Variants in PACSIN2 observed in about 807,000 individuals in gnomAD.
The protein encoded by PACSIN2 is protein kinase C and casein kinase substrate in neurons 2.
Under a neutral mutation model 63.8 loss-of-function variants are expected in PACSIN2, and 25 were observed. The ratio of observed to expected loss-of-function variants is 0.39; its 90% confidence interval spans 0.29 to 0.55. The LOEUF is 0.55. Ranked by LOEUF, PACSIN2 falls within the 20% of genes least tolerant of loss-of-function variation. The pLI is 0.62. For synonymous variants in PACSIN2, 255 were observed against 256.2 expected (o/e 1.00, Z 0.05); for missense variants, 518 against 646.9 (o/e 0.80, Z 2.16).
chr22:42,983,316 CAAAAAAA>C (rs1180708676), intron 1 of PACSIN2, among the ~76,000 whole-genome samples: 97 of 63,654 alleles, frequency 1.5e-3, no homozygotes, highest in Non-Finnish European at 2.8e-3. Flanking sequence ...GACTCCATCT[CAAAAAAA>C]AAAAAAAAAA....
intron 1 of PACSIN2, among the ~76,000 whole-genome samples, chr22:42,965,840 T>A (rs1165422686): frequency 6.6e-6 from 1 of 152,218 alleles, no homozygotes; most frequent in African/African-American, 2.4e-5. Flanking sequence ...TAAAATTTAA[T>A]ATGATAATTT....
intron 1 of PACSIN2, among the ~76,000 whole-genome samples, chr22:42,965,398 T>C (rs1347696470): frequency 1.3e-5 from 2 of 152,118 alleles, no homozygotes; most frequent in South Asian, 2.1e-4. Context: ...TTCAATTGTA[T>C]GTAAACTAAT....
chr22:42,928,464 GTTGGTT>G (rs1447373218), intron 1 of PACSIN2, among the ~76,000 whole-genome samples: 1 of 152,204 alleles, frequency 6.6e-6, no homozygotes, highest in Non-Finnish European at 1.5e-5. Flanking sequence ...CAGAAATCAG[GTTGGTT>G]TTGTTTTTAT....
chr22:42,887,691 A>C (rs1168044488), intron 5 of PACSIN2, among the ~76,000 whole-genome samples: 2 of 152,056 alleles, frequency 1.3e-5, no homozygotes, highest in Non-Finnish European at 1.5e-5. Context: ...CTTCCTGTGA[A>C]CTTTTAAATC....
chr22:42,985,290 G>A (rs1294785960), intron 1 of PACSIN2, among the ~76,000 whole-genome samples: 2 of 152,214 alleles, frequency 1.3e-5, no homozygotes, highest in Middle Eastern at 3.2e-3. Context: ...TCTCATCACC[G>A]CACTCCAGCA....
chr22:42,910,543 G>A (rs1931381998), intron 2 of PACSIN2, among the ~76,000 whole-genome samples: 1 of 152,150 alleles, frequency 6.6e-6, no homozygotes, highest in East Asian at 1.9e-4. Flanking sequence ...CTATTCCAGG[G>A]GCACCTCCAA....
At chr22:42,893,309 T>C (rs1400984725) in intron 3 of PACSIN2, 148 bp downstream of exon 3, 3 of 787,498 alleles carry the variant, frequency 3.8e-6, no homozygotes, top group African/African-American at 1.7e-5. Context: ...CCCATAAAAA[T>C]CACACCCCGC....
At chr22:42,891,462 G>A (rs1435829380) in intron 3 of PACSIN2, among the ~76,000 whole-genome samples, 3 of 152,070 alleles carry the variant, frequency 2.0e-5, no homozygotes, top group African/African-American at 2.4e-5. Flanking sequence ...GTGCAGAGAC[G>A]TGATCTTGGC....
chr22:42,941,664 T>C (rs1002825656), intron 1 of PACSIN2, among the ~76,000 whole-genome samples: 3 of 152,276 alleles, frequency 2.0e-5, no homozygotes, highest in African/African-American at 7.2e-5. Context: ...TCTTTTCATG[T>C]GCTTATTGGC....
At chr22:42,982,891 C>CAAAAAAAA (rs1227335781) in intron 1 of PACSIN2, among the ~76,000 whole-genome samples, 1 of 82,706 alleles carries the variant, frequency 1.2e-5, no homozygotes, top group African/African-American at 4.1e-5. Context: ...AAAAAAAAAA[C>CAAAAAAAA]AACAACAAGG....
At chr22:42,934,113 A>G (rs147418554) in intron 1 of PACSIN2, among the ~76,000 whole-genome samples, 2 of 152,360 alleles carry the variant, frequency 1.3e-5, no homozygotes, top group East Asian at 3.9e-4. Context: ...AGGAGCTTTG[A>G]AATTTTCTCT....
intron 2 of PACSIN2, among the ~76,000 whole-genome samples, chr22:42,896,255 C>G (rs1363463888): frequency 1.3e-5 from 2 of 152,184 alleles, no homozygotes; most frequent in African/African-American, 2.4e-5. Context: ...ATGGAATACA[C>G]AGTATGCAGC....
At chr22:42,999,774 G>C (rs1398683913) in intron 1 of PACSIN2, among the ~76,000 whole-genome samples, 1 of 152,204 alleles carries the variant, frequency 6.6e-6, no homozygotes, top group African/African-American at 2.4e-5. Context: ...GGCCACTGTG[G>C]GGGACCACCA....
chr22:42,916,713 C>T lies in PACSIN2; in HGVS notation c.-77-4556G>A, dbSNP rs143078201. Reference sequence around the variant, plus strand: ...TCTCTGGAACTCCCATGACTTCAAACGGCATCCATGTGCAGGGACACACCA... The same window carrying T: ...TCTCTGGAACTCCCATGACTTCAAATGGCATCCATGTGCAGGGACACACCA... On this transcript the variant is annotated intron_variant, in intron 1 of 10. Transcript: ENST00000263246. Among the ~76,000 whole-genome samples, 43 of 152,256 alleles carry T rather than the reference C, an allele frequency of 2.8e-4. No homozygotes were observed. In the East Asian group the frequency reaches 6.2e-3, roughly 22 times the overall value.
At chr22:42,939,442 G>C (rs1039770318) in intron 1 of PACSIN2, among the ~76,000 whole-genome samples, 1 of 152,190 alleles carries the variant, frequency 6.6e-6, no homozygotes, top group South Asian at 2.1e-4. Flanking sequence ...ATGTACAAGA[G>C]TCTAAAGATT....
intron 1 of PACSIN2, among the ~76,000 whole-genome samples, chr22:42,963,534 T>G (rs932200018): frequency 6.6e-6 from 1 of 152,222 alleles, no homozygotes; most frequent in Non-Finnish European, 1.5e-5. Context: ...TGCTTCTATC[T>G]GAGGCCTTTT....
chr22:42,873,459 C>G (rs1365533249), intron 10 of PACSIN2, among the ~76,000 whole-genome samples: 1 of 152,074 alleles, frequency 6.6e-6, no homozygotes, highest in Non-Finnish European at 1.5e-5. Context: ...TGTCTGGGGA[C>G]AGCAGGCTGG....
At chr22:42,961,696 C>T (rs866584881) in intron 1 of PACSIN2, among the ~76,000 whole-genome samples, 2 of 152,112 alleles carry the variant, frequency 1.3e-5, no homozygotes, top group African/African-American at 4.8e-5. Context: ...TCGCTTGACC[C>T]CAGGGAGCAG....
intron 5 of PACSIN2, among the ~76,000 whole-genome samples, chr22:42,885,863 C>G (rs1446016819): frequency 6.6e-6 from 1 of 152,166 alleles, no homozygotes; most frequent in Non-Finnish European, 1.5e-5. Flanking sequence ...TGGGGCATGC[C>G]CAGCAGAGAA....
Sources: gnomAD v4.1 joint callset for allele counts (sites outside exome capture counted in the v4.1 genomes callset) on GRCh38, gnomAD v4.1.1 for gene constraint, MANE v1.5 for transcripts, NCBI Gene and HGNC (gene_info 2026-07-23, HGNC 2026-07-21) for gene names.